EFR3A: variants seen among roughly 807,000 people sequenced by gnomAD.
The protein encoded by EFR3A is protein EFR3 homolog A.
In EFR3A, 76 loss-of-function variants were observed where a neutral mutation model predicts 104.4. The observed-to-expected ratio is 0.73, with a 90% CI of 0.60 to 0.88. EFR3A has a LOEUF of 0.88. EFR3A is among the 40% of genes least tolerant of loss of function. The pLI, the probability that EFR3A is intolerant of heterozygous loss-of-function variation, is 0.00. For missense variants in EFR3A, 985 were observed against 1,012.5 expected, an observed-to-expected ratio of 0.97 and a Z score of 0.37; for synonymous variants, 330 against 330.0, an observed-to-expected ratio of 1.00 and a Z score of 0.00.
At chr8:131,942,717 A>C (rs918899287) in intron 2 of EFR3A, among the ~76,000 whole-genome samples, 1 of 152,070 alleles carries the variant, frequency 6.6e-6, no homozygotes, top group Non-Finnish European at 1.5e-5. Flanking sequence ...ATGTAGTTGG[A>C]ACATCTCACC....
chr8:131,929,088 C>G (rs1817452121), intron 1 of EFR3A, among the ~76,000 whole-genome samples: 1 of 152,068 alleles, frequency 6.6e-6, no homozygotes, highest in Non-Finnish European at 1.5e-5. Flanking sequence ...TAGTTTAGAT[C>G]AATTGTCTGC....
Position 131,968,358 on chromosome 8 carries a change from G to C in EFR3A, c.919G>C (p.Ala307Pro). The C allele has an allele frequency of 5.0e-6, 8 of 1,613,556 alleles. No individual in the cohort carries two copies. The highest frequency in any genetic ancestry group is 5.9e-6 in the Non-Finnish European group (7 of 1,179,622). ...ACACCTTGATGCTCGTAAAAAAGAT[G>C]CTCCCCGGGTTCGAGCAGGTATTAT... ...LGHLDARKKD[A>P]PRVRAGIIQV... Residue 307 changes from alanine (A) to proline (P), a missense_variant, in exon 9 of 23, where the codon GCT becomes CCT. Ala to Pro is a conservative substitution (Grantham distance 27). Coordinates refer to ENST00000254624, the MANE Select transcript of EFR3A (RefSeq NM_015137.6).
At chr8:131,938,627 G>T (rs967240195) in intron 1 of EFR3A, among the ~76,000 whole-genome samples, 3 of 152,080 alleles carry the variant, frequency 2.0e-5, no homozygotes, top group African/African-American at 4.8e-5. Flanking sequence ...TCCCTCATCT[G>T]TTAGGCACAC....
chr8:131,913,117 G>A (rs1051024338), intron 1 of EFR3A, among the ~76,000 whole-genome samples: 4 of 144,590 alleles, frequency 2.8e-5, no homozygotes, highest in Non-Finnish European at 6.0e-5. Context: ...GGAACTGACA[G>A]GTTTTTATTT....
intron 11 of EFR3A, 124 bp from the exon 12 acceptor site, chr8:131,976,917 T>TA (rs140944068): frequency 0.032 from 19,874 of 625,430 alleles, 428 homozygotes; most frequent in Non-Finnish European, 0.039. Flanking sequence ...AGCCATGACT[T>TA]AAACTGTTAC....
At chr8:131,910,905 A>C (rs1816482809) in intron 1 of EFR3A, among the ~76,000 whole-genome samples, 1 of 152,174 alleles carries the variant, frequency 6.6e-6, no homozygotes, top group Non-Finnish European at 1.5e-5. Flanking sequence ...CAGTCTCAGA[A>C]ATAAAGAGAA....
At chr8:131,938,511 G>A (rs1355263588) in intron 1 of EFR3A, among the ~76,000 whole-genome samples, 1 of 151,954 alleles carries the variant, frequency 6.6e-6, no homozygotes, top group Non-Finnish European at 1.5e-5. Flanking sequence ...TCTTTATAGT[G>A]GGTAGTTTTT....
chr8:131,910,330 G>A (rs192338133), intron 1 of EFR3A, among the ~76,000 whole-genome samples: 7 of 152,296 alleles, frequency 4.6e-5, no homozygotes, highest in Admixed American at 1.3e-4. Context: ...GGAGTGCAGT[G>A]GTGTGATCTC....
chr8:131,974,204 A>G (rs1290872786), intron 10 of EFR3A, among the ~76,000 whole-genome samples: 3 of 152,218 alleles, frequency 2.0e-5, no homozygotes, highest in Non-Finnish European at 4.4e-5. Context: ...AAGCTCCCCT[A>G]GGTAATTATA....
chr8:131,951,572 A>G (rs1818704905), intron 5 of EFR3A, among the ~76,000 whole-genome samples: 1 of 152,156 alleles, frequency 6.6e-6, no homozygotes, highest in African/African-American at 2.4e-5. Flanking sequence ...CTTTCAAAAT[A>G]TAGAAAATAT....
rs1816114571 is a variant in EFR3A, at chr8:131,904,141, C to T, written c.-172C>T. ...AGTGGGCTGGCGGCGGTAGCTGTCG[C>T]CCGCTTGGTTGCGTGACCGCGGGGT... is the stretch of plus-strand genomic sequence containing the variant. On this transcript the variant is annotated 5_prime_UTR_variant, in exon 1 of 23. Transcript: ENST00000254624. The T allele has an allele frequency of 1.4e-6, 1 of 723,444 alleles. No homozygotes were observed. Among genetic ancestry groups the T allele is most frequent in the Middle Eastern group, 4.6e-4 (1 of 2,182 alleles). The allele number at this position is 723,444 out of a possible 1,614,324, so 44.8% of individuals were successfully genotyped here.
chr8:131,961,756 G>T (rs986265420), intron 8 of EFR3A, among the ~76,000 whole-genome samples: 8 of 152,246 alleles, frequency 5.3e-5, no homozygotes, highest in South Asian at 2.1e-4. Context: ...ACACATAATT[G>T]TCAGATTCAC....
chr8:131,967,175 T>G (rs1177354043), intron 8 of EFR3A, among the ~76,000 whole-genome samples: 3 of 152,194 alleles, frequency 2.0e-5, no homozygotes, highest in Admixed American at 2.0e-4. Context: ...CATTCATCTA[T>G]TTTAACATAA....
intron 10 of EFR3A, 30 bp downstream of exon 10, chr8:131,970,673 A>C: frequency 6.3e-7 from 1 of 1,593,538 alleles, no homozygotes. Context: ...CAAAACTATC[A>C]TGTAAAACAG....
chr8:131,987,513 A>G (rs1166820719), intron 17 of EFR3A, 62 bp from the exon 18 acceptor site: 96 of 1,505,226 alleles, frequency 6.4e-5, no homozygotes, highest in Non-Finnish European at 8.3e-5. Flanking sequence ...TGTTTTGCAT[A>G]GTAACTTATT....
intron 15 of EFR3A, 132 bp downstream of exon 15, chr8:131,984,432 A>G: frequency 1.2e-6 from 1 of 815,888 alleles, no homozygotes; most frequent in South Asian, 2.2e-5. Flanking sequence ...AATACTCAAG[A>G]CTATGACTAC....
At chr8:131,932,523 C>T (rs1404242603) in intron 1 of EFR3A, among the ~76,000 whole-genome samples, 1 of 152,186 alleles carries the variant, frequency 6.6e-6, no homozygotes, top group African/African-American at 2.4e-5. Context: ...CTTTTGTCCT[C>T]TTGGCATTAA....
chr8:131,956,343 C>T (rs1056340850), intron 7 of EFR3A, among the ~76,000 whole-genome samples: 3 of 152,124 alleles, frequency 2.0e-5, no homozygotes, highest in Non-Finnish European at 4.4e-5. Flanking sequence ...TGAGTGAATT[C>T]ATCTTTTACA....
chr8:132,003,320 C>A, intron 22 of EFR3A, 35 bp downstream of exon 22: 1 of 1,581,246 alleles, frequency 6.3e-7, no homozygotes, highest in Non-Finnish European at 8.7e-7. Flanking sequence ...CAATAACACA[C>A]ACACACGAAT....
Sources: gnomAD v4.1 joint callset for allele counts (sites outside exome capture counted in the v4.1 genomes callset) on GRCh38, gnomAD v4.1.1 for gene constraint, MANE v1.5 for transcripts, NCBI Gene and HGNC (gene_info 2026-07-23, HGNC 2026-07-21) for gene names.